Variants in PLPPR1 observed in about 807,000 individuals in gnomAD.
PLPPR1 encodes phospholipid phosphatase related 1.
In PLPPR1, 10 loss-of-function variants were observed where a neutral mutation model predicts 33.1. That is an observed-to-expected ratio of 0.30 (90% confidence interval 0.19 to 0.51). The LOEUF is 0.51. Among genes scored for constraint, PLPPR1 ranks in the 20% least tolerant of loss-of-function variants. The pLI is 0.97. For synonymous variants in PLPPR1, 151 were observed against 151.0 expected (o/e 1.00, Z 0.00); for missense variants, 304 against 408.1 (o/e 0.74, Z 2.20).
intron 2 of PLPPR1, among the ~76,000 whole-genome samples, chr9:101,243,798 T>C (rs1023156762): frequency 2.0e-5 from 3 of 151,842 alleles, no homozygotes; most frequent in African/African-American, 7.3e-5. Flanking sequence ...TGGAAAAGCT[T>C]AGTAGAAAGT....
intron 6 of PLPPR1, among the ~76,000 whole-genome samples, chr9:101,315,934 C>A (rs1226095730): frequency 6.6e-6 from 1 of 152,314 alleles, no homozygotes; most frequent in East Asian, 1.9e-4. Context: ...ATTAGCTGAA[C>A]AAGTACCACA....
chr9:101,302,471 A>G (rs559425168), intron 4 of PLPPR1, among the ~76,000 whole-genome samples: 1 of 152,308 alleles, frequency 6.6e-6, no homozygotes, highest in East Asian at 1.9e-4. Flanking sequence ...ATGGTCTTCA[A>G]TAGTTGAATT....
chr9:101,223,148 C>CAAAAAAA (rs869205435), intron 2 of PLPPR1, among the ~76,000 whole-genome samples: 2 of 23,708 alleles, frequency 8.4e-5, no homozygotes, highest in Admixed American at 4.4e-4. Context: ...CCCATCTCTA[C>CAAAAAAA]AAAAAAAAAA....
At position 101,229,285 on chromosome 9, in the gene PLPPR1, T is replaced by C. The variant is rs1307752610; in HGVS notation, c.64-40595T>C. 2.6e-5 allele frequency among the ~76,000 whole-genome samples: 4 copies of C among 152,132 alleles called. No individual in the cohort carries two copies. The East Asian group carries it at 7.7e-4, about 29-fold the overall frequency. On this transcript the variant is annotated intron_variant, in intron 2 of 7. Transcript: ENST00000374874. ...GTTTATCATTTTGCATCTTATTAAATTTGCAACATTCCCAAGATCTCAGAA... is the reference window on the plus strand; with the variant it reads ...GTTTATCATTTTGCATCTTATTAAACTTGCAACATTCCCAAGATCTCAGAA...
chr9:101,173,183 CTAATT>C (rs1564165542), intron 1 of PLPPR1, among the ~76,000 whole-genome samples: 2 of 152,046 alleles, frequency 1.3e-5, no homozygotes. Context: ...TCCTGAGTCA[CTAATT>C]TAATATACAG....
chr9:101,312,460 T>C (rs894095658), intron 5 of PLPPR1, among the ~76,000 whole-genome samples: 2 of 152,232 alleles, frequency 1.3e-5, no homozygotes, highest in Admixed American at 6.5e-5. Context: ...GGATTTCTTA[T>C]ACCCCAAATG....
chr9:101,246,090 A>G, intron 2 of PLPPR1, among the ~76,000 whole-genome samples: 2 of 134,516 alleles, frequency 1.5e-5, no homozygotes, highest in Non-Finnish European at 3.2e-5. Flanking sequence ...ATATATATAT[A>G]TATATATATA....
intron 2 of PLPPR1, among the ~76,000 whole-genome samples, chr9:101,192,106 T>C (rs1826306183): frequency 6.6e-6 from 1 of 152,230 alleles, no homozygotes; most frequent in Non-Finnish European, 1.5e-5. Flanking sequence ...ATCATCACTT[T>C]TGGACATTGA....
chr9:101,274,022 A>G (rs1019990572), intron 3 of PLPPR1, among the ~76,000 whole-genome samples: 1 of 152,206 alleles, frequency 6.6e-6, no homozygotes, highest in Non-Finnish European at 1.5e-5. Context: ...TATCTCTTCC[A>G]TTAATTCATT....
At chr9:101,119,733 T>C (rs965610183) in intron 1 of PLPPR1, among the ~76,000 whole-genome samples, 2 of 152,210 alleles carry the variant, frequency 1.3e-5, no homozygotes, top group African/African-American at 4.8e-5. Context: ...TGAGATGCCT[T>C]CCAGAGGACC....
intron 4 of PLPPR1, among the ~76,000 whole-genome samples, chr9:101,295,482 C>T (rs1055111770): frequency 1.3e-5 from 2 of 152,120 alleles, no homozygotes; most frequent in African/African-American, 4.8e-5. Flanking sequence ...AAAAAAGAGC[C>T]CACATCACCA....
intron 1 of PLPPR1, among the ~76,000 whole-genome samples, chr9:101,076,365 TG>T (rs1264949451): frequency 1.3e-5 from 2 of 152,192 alleles, no homozygotes; most frequent in African/African-American, 4.8e-5. Flanking sequence ...TTGGCCTTTG[TG>T]AGAAGAATGG....
chr9:101,125,647 G>T (rs1256900934), intron 1 of PLPPR1: 4 of 584,974 alleles, frequency 6.8e-6, no homozygotes, highest in South Asian at 1.6e-5. Flanking sequence ...ATAAGTTGTT[G>T]ATCATGGCAA....
chr9:101,119,667 A>G (rs1053302303), intron 1 of PLPPR1, among the ~76,000 whole-genome samples: 24 of 152,250 alleles, frequency 1.6e-4, no homozygotes, highest in African/African-American at 5.8e-4. Context: ...GGACCAGCCT[A>G]ACACCATAAC....
chr9:101,319,633 GGTTT>G (rs1318469950), intron 7 of PLPPR1, among the ~76,000 whole-genome samples: 1 of 152,120 alleles, frequency 6.6e-6, no homozygotes, highest in Non-Finnish European at 1.5e-5. Context: ...AAATATTTCT[GGTTT>G]ATTTATATAC....
intron 2 of PLPPR1, among the ~76,000 whole-genome samples, chr9:101,260,407 G>A (rs1827877899): frequency 6.6e-6 from 1 of 152,118 alleles, no homozygotes. Context: ...AAAAGTGCAG[G>A]TGAGAGAATG....
intron 2 of PLPPR1, among the ~76,000 whole-genome samples, chr9:101,229,908 G>GT (rs1225219056): frequency 1.8e-4 from 28 of 152,228 alleles, no homozygotes; most frequent in African/African-American, 6.7e-4. Flanking sequence ...ACTTCCTCTT[G>GT]TAAGTTCTCA....
chr9:101,248,565 A>C (rs937903119), intron 2 of PLPPR1, among the ~76,000 whole-genome samples: 7 of 152,080 alleles, frequency 4.6e-5, no homozygotes, highest in African/African-American at 1.7e-4. Context: ...TGAGAAAAGG[A>C]GGCTTAGATT....
chr9:101,298,698 G>A (rs1267737854), intron 4 of PLPPR1, among the ~76,000 whole-genome samples: 4 of 152,126 alleles, frequency 2.6e-5, no homozygotes, highest in African/African-American at 7.2e-5. Context: ...GCTAGGTACA[G>A]ATTAAGGTGT....
Sources: allele counts gnomAD v4.1 joint callset (sites outside exome capture counted in the v4.1 genomes callset), GRCh38; gene constraint gnomAD v4.1.1; transcripts MANE v1.5; gene names NCBI Gene and HGNC (gene_info 2026-07-23, HGNC 2026-07-21).